GALNT13: variants seen among roughly 807,000 people sequenced by gnomAD.
GALNT13 encodes the protein UDP-GalNAc:polypeptide N-acetylgalactosaminyltransferase 13.
A neutral mutation model predicts 64.2 loss-of-function variants in GALNT13; 28 were observed. The observed-to-expected ratio is 0.44, with a 90% CI of 0.32 to 0.60. The LOEUF (loss-of-function observed/expected upper bound fraction) is 0.60. GALNT13 is among the 20% of genes least tolerant of loss of function. The pLI, the probability that GALNT13 is intolerant of heterozygous loss-of-function variation, is 0.05. For missense variants in GALNT13, 577 were observed against 669.8 expected (o/e 0.86, Z 1.53); for synonymous variants, 214 against 224.6 (o/e 0.95, Z 0.42).
chr2:153,901,364 C>T (rs905580421), intron 2 of GALNT13, among the ~76,000 whole-genome samples: 6 of 152,048 alleles, frequency 3.9e-5, no homozygotes, highest in African/African-American at 7.2e-5. Context: ...TGAACAATAT[C>T]GTTTGCAGTT....
intron 3 of GALNT13, among the ~76,000 whole-genome samples, chr2:154,056,225 T>A (rs1321602281): frequency 6.6e-6 from 1 of 152,200 alleles, no homozygotes; most frequent in East Asian, 1.9e-4. Context: ...AATATAAGTC[T>A]GTTGAGTTTG....
the GALNT13 span, among the ~76,000 whole-genome samples, chr2:153,683,196 C>T: frequency 2.0e-5 from 3 of 151,640 alleles, no homozygotes; most frequent in Non-Finnish European, 4.4e-5. Flanking sequence ...CCATCACATT[C>T]CACAGTTATG....
chr2:153,443,363 C>T, the GALNT13 span, among the ~76,000 whole-genome samples: 4 of 152,212 alleles, frequency 2.6e-5, no homozygotes, highest in Non-Finnish European at 4.4e-5. Flanking sequence ...TCAGCTTGCC[C>T]TCTGTGGGCT....
chr2:153,454,892 A>G, the GALNT13 span, among the ~76,000 whole-genome samples: 6 of 152,278 alleles, frequency 3.9e-5, no homozygotes, highest in Non-Finnish European at 8.8e-5. Context: ...TCCATACAAT[A>G]TAATCCTGTG....
At chr2:153,160,969 G>A in the GALNT13 span, among the ~76,000 whole-genome samples, 1 of 152,084 alleles carries the variant, frequency 6.6e-6, no homozygotes, top group Non-Finnish European at 1.5e-5. Context: ...AGCCAGTGAC[G>A]ATGTCTATGC....
intron 2 of GALNT13, among the ~76,000 whole-genome samples, chr2:153,931,317 C>G (rs1392043364): frequency 6.6e-6 from 1 of 151,372 alleles, no homozygotes; most frequent in Non-Finnish European, 1.5e-5. Flanking sequence ...TACTCTCTTT[C>G]TATTTGGATA....
chr2:154,349,890 G>T (rs1336663483), intron 9 of GALNT13, among the ~76,000 whole-genome samples: 2 of 152,122 alleles, frequency 1.3e-5, no homozygotes, highest in Non-Finnish European at 2.9e-5. Context: ...GAAAGCAGAA[G>T]TAGGACCATA....
intron 6 of GALNT13, among the ~76,000 whole-genome samples, chr2:154,245,290 C>A (rs545265909): frequency 6.6e-6 from 1 of 151,980 alleles, no homozygotes; most frequent in South Asian, 2.1e-4. Flanking sequence ...CTTATACTGA[C>A]GGATTATGAT....
At chr2:153,162,292 A>G in the GALNT13 span, among the ~76,000 whole-genome samples, 1 of 152,100 alleles carries the variant, frequency 6.6e-6, no homozygotes, top group African/African-American at 2.4e-5. Context: ...TAATTTTCAC[A>G]TTTTTCATCC....
At chr2:153,798,993 CTGTGTA>C in the GALNT13 span, among the ~76,000 whole-genome samples, 2 of 152,022 alleles carry the variant, frequency 1.3e-5, no homozygotes, top group Non-Finnish European at 2.9e-5. Context: ...TAGATATAAA[CTGTGTA>C]TTTGTTTACT....
At chr2:153,908,384 C>A (rs1251296823) in intron 2 of GALNT13, among the ~76,000 whole-genome samples, 1 of 152,034 alleles carries the variant, frequency 6.6e-6, no homozygotes, top group African/African-American at 2.4e-5. Flanking sequence ...CACAGAAGCT[C>A]TTCAGTTGAG....
In GALNT13 at chr2:153,887,750, C is replaced by G. The variant is rs191082916; in HGVS notation, c.-176-13186C>G. 2.6e-4 allele frequency among the ~76,000 whole-genome samples: 39 copies of G among 151,960 alleles called. No homozygotes were observed. In the East Asian group the frequency reaches 6.4e-3, roughly 25 times the overall value. On this transcript the variant is annotated intron_variant, in intron 1 of 12. Transcript: ENST00000392825. ...TAAGTGACAGCCATCTTGCATTTCCCCCTTAGTTATTTGATCTGCTTTGAC... is the reference window on the plus strand; with the variant it reads ...TAAGTGACAGCCATCTTGCATTTCCGCCTTAGTTATTTGATCTGCTTTGAC...
chr2:154,242,019 C>T lies in GALNT13; in HGVS notation c.312-11C>T, dbSNP rs2105869877. On this transcript the variant is annotated splice_polypyrimidine_tract_variant and intron_variant, in intron 4 of 12. Coordinates refer to ENST00000392825, the MANE Select transcript of GALNT13 (RefSeq NM_052917.4). ...CATTTATTAAGATCCCTCTTCTTTT[C>T]TCTTTTTCAGATGTAAGACAAAAGT... 5 of 1,545,380 alleles carry T rather than the reference C, an allele frequency of 3.2e-6. No individual in the cohort carries two copies. Among genetic ancestry groups the T allele is most frequent in the Non-Finnish European group, 4.4e-6 (5 of 1,141,302 alleles).
the GALNT13 span, chr2:153,370,465 T>A: frequency 6.6e-6 from 1 of 152,078 alleles, no homozygotes; most frequent in Non-Finnish European, 1.5e-5. Flanking sequence ...AAATAACATA[T>A]CACGAGTAAT....
the GALNT13 span, among the ~76,000 whole-genome samples, chr2:153,092,556 T>A: frequency 3.9e-5 from 6 of 151,944 alleles, no homozygotes; most frequent in African/African-American, 1.2e-4. Context: ...GATATTTTAT[T>A]TCTTTAGTTA....
At chr2:154,449,257 C>T (rs966741883) in intron 12 of GALNT13, among the ~76,000 whole-genome samples, 2 of 151,676 alleles carry the variant, frequency 1.3e-5, no homozygotes, top group Admixed American at 1.3e-4. Context: ...TAGGCCTCTT[C>T]CGCCACAAAC....
the GALNT13 span, among the ~76,000 whole-genome samples, chr2:153,217,035 A>G: frequency 2.0e-5 from 3 of 152,014 alleles, no homozygotes; most frequent in Non-Finnish European, 2.9e-5. Flanking sequence ...ATGAATAGCC[A>G]ATTGTTTCAG....
the GALNT13 span, among the ~76,000 whole-genome samples, chr2:153,427,429 A>T: frequency 5.3e-5 from 8 of 152,278 alleles, no homozygotes; most frequent in East Asian, 1.4e-3. Context: ...AGAAAAGCAC[A>T]TTAAATGGGC....
At chr2:154,237,311 G>C (rs1057419999) in intron 4 of GALNT13, among the ~76,000 whole-genome samples, 5 of 151,616 alleles carry the variant, frequency 3.3e-5, no homozygotes, top group Non-Finnish European at 5.9e-5. Flanking sequence ...AAAAACTGAG[G>C]TGAAAAGTGG....
Sources: gnomAD v4.1 joint callset for allele counts (sites outside exome capture counted in the v4.1 genomes callset) on GRCh38, gnomAD v4.1.1 for gene constraint, MANE v1.5 for transcripts, NCBI Gene and HGNC (gene_info 2026-07-23, HGNC 2026-07-21) for gene names.